The following ZNF93 variants were observed in gnomAD, a reference collection of about 807,000 sequenced individuals.
The protein encoded by ZNF93 is zinc finger protein 93, also known as zinc finger protein 505.
A neutral mutation model predicts 45.0 loss-of-function variants in ZNF93; 29 were observed. That is an observed-to-expected ratio of 0.64 (90% CI 0.48 to 0.88). ZNF93 has a LOEUF of 0.88. Among genes scored for constraint, ZNF93 ranks in the 40% least tolerant of loss-of-function variants. The pLI, the probability that ZNF93 is intolerant of heterozygous loss-of-function variation, is 0.00. For missense variants in ZNF93, 578 were observed against 724.0 expected, an observed-to-expected ratio of 0.80 and a Z score of 2.31; for synonymous variants, 223 against 244.6, an observed-to-expected ratio of 0.91 and a Z score of 0.82.
rs765858015 is a variant in ZNF93, at chr19:19,933,980, A to C, written c.1025A>C (p.Lys342Thr). Residue 342 changes from lysine (K) to threonine (T), a missense_variant, in exon 4 of 4, where the codon AAG (lysine) becomes ACG (threonine). Around this residue, in one of 3 missense-constraint regions of ZNF93, gnomAD observed 446 missense variants for 547.6 expected, o/e 0.81. Coordinates refer to ENST00000343769, the MANE Select transcript of ZNF93 (RefSeq NM_031218.4). ...KRIHTGEKPY[K>T]CNKCGKAFIA... Reference sequence around the variant, plus strand: ...ATTCATACTGGAGAGAAACCATACAAGTGTAATAAATGTGGCAAAGCCTTT... The same window carrying C: ...ATTCATACTGGAGAGAAACCATACACGTGTAATAAATGTGGCAAAGCCTTT... 1 of 1,612,622 alleles carries C rather than the reference A, an allele frequency of 6.2e-7. No homozygotes were observed. The highest frequency in any genetic ancestry group is 1.1e-5 in the South Asian group (1 of 90,950).
At chr19:19,920,905 T>C (rs1318784400) in intron 3 of ZNF93, among the ~76,000 whole-genome samples, 2 of 152,224 alleles carry the variant, frequency 1.3e-5, no homozygotes, top group Admixed American at 1.3e-4. Flanking sequence ...CCTGGATTCA[T>C]TGATTTTTTG....
intron 3 of ZNF93, chr19:19,927,082 T>C: frequency 1.0e-5 from 4 of 398,604 alleles, no homozygotes. Context: ...AAATTTACCA[T>C]CTTAAATTTA....
At chr19:19,930,386 C>T (rs1187716505) in intron 3 of ZNF93, among the ~76,000 whole-genome samples, 1 of 152,146 alleles carries the variant, frequency 6.6e-6, no homozygotes, top group African/African-American at 2.4e-5. Context: ...GGTTAGGCCT[C>T]CGGATAACTG....
At chr19:19,919,867 T>C (rs1267637659) in intron 3 of ZNF93, among the ~76,000 whole-genome samples, 1 of 152,228 alleles carries the variant, frequency 6.6e-6, no homozygotes, top group Admixed American at 6.5e-5. Context: ...CGATGGGGTT[T>C]TCTAGATATA....
At chr19:19,927,616 A>G (rs1323033224) in intron 3 of ZNF93, among the ~76,000 whole-genome samples, 1 of 152,262 alleles carries the variant, frequency 6.6e-6, no homozygotes, top group Non-Finnish European at 1.5e-5. Flanking sequence ...CATAATATTC[A>G]CAAGGTTCAT....
At chr19:19,907,554 T>C (rs922985918) in intron 1 of ZNF93, among the ~76,000 whole-genome samples, 1 of 151,636 alleles carries the variant, frequency 6.6e-6, no homozygotes, top group Non-Finnish European at 1.5e-5. Context: ...CTTTTCTTTT[T>C]TTTTTTTTTT....
rs763630419 is a variant in ZNF93, at chr19:19,933,225, C to A, written c.270C>A (p.Asn90Lys). The change falls in exon 4 of 4, where the codon AAC becomes AAA. Residue 90 changes from asparagine to lysine, a missense_variant. By Grantham distance (94) the Asn-to-Lys change is moderately conservative. Coordinates refer to ENST00000343769, the MANE Select transcript of ZNF93 (RefSeq NM_031218.4). The part of the protein sequence containing the change: ...HFAQDLWPEQ[N>K]IKDSFQKVIL... ...CCCAAGATCTTTGGCCAGAGCAGAA[C>A]ATAAAAGATTCTTTCCAAAAAGTGA... is the stretch of plus-strand genomic sequence containing the variant. 7 of 1,596,992 alleles carry A rather than the reference C, an allele frequency of 4.4e-6. 1 individual carries two copies. The highest frequency in any genetic ancestry group is 2.2e-5 in the East Asian group (1 of 44,716).
intron 1 of ZNF93, chr19:19,907,675 T>C (rs541042111): frequency 2.6e-5 from 4 of 152,060 alleles, no homozygotes; most frequent in South Asian, 4.2e-4. Context: ...GCCTCCCGAG[T>C]AACTGGCATG....
At chr19:19,929,992 A>G (rs190033328) in intron 3 of ZNF93, among the ~76,000 whole-genome samples, 14 of 151,662 alleles carry the variant, frequency 9.2e-5, no homozygotes, top group Admixed American at 5.9e-4. Flanking sequence ...CACAAGACAA[A>G]GAGATAAAAG....
Position 19,933,849 on chromosome 19 carries a change from A to C in ZNF93, c.894A>C (p.Ser298=), listed in dbSNP as rs193094363. The change falls in exon 4 of 4, where the codon TCA becomes TCC. Residue 298 remains serine (S), a synonymous_variant. Transcript: ENST00000343769. ...GTGGCAAAGCTTTTAACCAATCCTC[A>C]ACACTTACTAAACATAAGAAAATTC... ...EECGKAFNQS[S]TLTKHKKIHT... 6.8e-6 allele frequency: 11 copies of C among 1,611,978 alleles called. No homozygotes were observed. The highest frequency in any genetic ancestry group is 9.3e-6 in the Non-Finnish European group (11 of 1,179,514).
chr19:19,924,305 G>A (rs550954574), intron 3 of ZNF93, among the ~76,000 whole-genome samples: 97 of 152,186 alleles, frequency 6.4e-4, no homozygotes, highest in African/African-American at 2.2e-3. Flanking sequence ...TGGTAAGGCT[G>A]GTCGGAAACT....
rs1002531595 is a variant in ZNF93 at position 19,901,213 on chromosome 19, G to A, written c.3+122G>A. ...CTCCACAATCTGCGCCGGAGTTCTT[G>A]CCCAGCTCGGCCTCGGTTCCCTTCA... On this transcript the variant is annotated intron_variant, in intron 1 of 3. Transcript: ENST00000343769. The A allele has an allele frequency of 4.7e-6, 7 of 1,503,740 alleles. No individual in the cohort carries two copies. In the African/African-American group the frequency reaches 9.7e-5, roughly 21 times the overall value. 93.1% of individuals were successfully genotyped at this position (1,503,740 alleles called of 1,614,324 possible).
intron 3 of ZNF93, among the ~76,000 whole-genome samples, chr19:19,930,434 G>A (rs2063370129): frequency 2.0e-5 from 3 of 152,156 alleles, no homozygotes; most frequent in Non-Finnish European, 4.4e-5. Context: ...TCCACAAGAG[G>A]TGGAGGAGTA....
chr19:19,918,789 C>T (rs577975366), intron 3 of ZNF93, among the ~76,000 whole-genome samples: 40 of 152,112 alleles, frequency 2.6e-4, no homozygotes, highest in East Asian at 1.5e-3. Flanking sequence ...GCCCACTTTT[C>T]GATGGGGTTG....
intron 3 of ZNF93, among the ~76,000 whole-genome samples, chr19:19,924,272 G>A (rs1396644795): frequency 6.6e-6 from 1 of 152,028 alleles, no homozygotes; most frequent in Non-Finnish European, 1.5e-5. Flanking sequence ...TAATTTTTTA[G>A]TAGAGATGAG....
chr19:19,930,200 C>CAG (rs202035042), intron 3 of ZNF93, among the ~76,000 whole-genome samples: 5 of 151,142 alleles, frequency 3.3e-5, no homozygotes, highest in Non-Finnish European at 5.9e-5. Context: ...GCAGCCAAGG[C>CAG]AGAGAGAGAG....
At chr19:19,920,085 G>C (rs536225757) in intron 3 of ZNF93, among the ~76,000 whole-genome samples, 98 of 152,216 alleles carry the variant, frequency 6.4e-4, no homozygotes, top group African/African-American at 2.3e-3. Context: ...TTGGCTGTGG[G>C]TTTGTCATAA....
At chr19:19,906,536 G>A (rs1320388463) in intron 1 of ZNF93, among the ~76,000 whole-genome samples, 1 of 151,936 alleles carries the variant, frequency 6.6e-6, no homozygotes, top group African/African-American at 2.4e-5. Context: ...GTTTAAATAG[G>A]TCCCATTTGT....
chr19:19,910,365 T>C (rs1221851117), intron 1 of ZNF93, among the ~76,000 whole-genome samples: 3 of 152,216 alleles, frequency 2.0e-5, no homozygotes, highest in Non-Finnish European at 4.4e-5. Context: ...CAAGTAATTA[T>C]AAATTAAACT....
Sources: gnomAD v4.1 joint callset for allele counts (sites outside exome capture counted in the v4.1 genomes callset) on GRCh38, gnomAD v4.1.1 for gene constraint, gnomAD v4.1.1 regional missense constraint, MANE v1.5 for transcripts, NCBI Gene and HGNC (gene_info 2026-07-23, HGNC 2026-07-21) for gene names.